Variants in GPR15LG observed in about 807,000 individuals in gnomAD.
GPR15LG encodes protein GPR15LG.
chr10:84,181,335 C>T, the GPR15LG span, among the ~76,000 whole-genome samples: 1 of 152,038 alleles, frequency 6.6e-6, no homozygotes, highest in Non-Finnish European at 1.5e-5. Flanking sequence ...CCTCAGCCTC[C>T]CAAAGTGCTG....
chr10:84,177,608 G>A, the GPR15LG span, among the ~76,000 whole-genome samples: 1 of 152,200 alleles, frequency 6.6e-6, no homozygotes, highest in Non-Finnish European at 1.5e-5. Context: ...AAGACAGCAT[G>A]ACTCCAGCCG....
chr10:84,184,556 A>ATT, the GPR15LG span: 1 of 1,027,936 alleles, frequency 9.7e-7, no homozygotes, highest in Non-Finnish European at 1.5e-6. Flanking sequence ...CTTGCTTTGA[A>ATT]ATTTTTTTTT....
chr10:84,181,680 C>T, the GPR15LG span, among the ~76,000 whole-genome samples: 13 of 152,308 alleles, frequency 8.5e-5, no homozygotes, highest in South Asian at 1.9e-3. Context: ...CTTGGCCTCC[C>T]AAAGTGCTAA....
At chr10:84,179,528 T>C in the GPR15LG span, among the ~76,000 whole-genome samples, 1 of 152,314 alleles carries the variant, frequency 6.6e-6, no homozygotes, top group South Asian at 2.1e-4. Context: ...GATTGCTGAG[T>C]GTGCCAGGCT....
the GPR15LG span, among the ~76,000 whole-genome samples, chr10:84,184,015 C>A: frequency 6.6e-6 from 1 of 150,806 alleles, no homozygotes; most frequent in Non-Finnish European, 1.5e-5. Context: ...ACTTTTTTTT[C>A]TGCAATTAAA....
the GPR15LG span, among the ~76,000 whole-genome samples, chr10:84,174,085 C>G: frequency 6.6e-6 from 1 of 152,210 alleles, no homozygotes; most frequent in South Asian, 2.1e-4. Context: ...GTTTGGGGCT[C>G]AGGACTGCCT....
At chr10:84,181,718 T>C in the GPR15LG span, among the ~76,000 whole-genome samples, 2 of 152,248 alleles carry the variant, frequency 1.3e-5, no homozygotes, top group African/African-American at 4.8e-5. Flanking sequence ...CGTGAGCCAC[T>C]GCATCTGGCC....
At chr10:84,174,048 G>A in the GPR15LG span, 1 of 738,726 alleles carries the variant, frequency 1.4e-6, no homozygotes. Context: ...GCCCCGGAAA[G>A]ATGGGCTCTT....
chr10:84,179,681 T>C, the GPR15LG span, among the ~76,000 whole-genome samples: 1 of 152,198 alleles, frequency 6.6e-6, no homozygotes, highest in Admixed American at 6.5e-5. Flanking sequence ...ACTTGCTGAA[T>C]ACTGACTACT....
At chr10:84,178,923 G>A in the GPR15LG span, among the ~76,000 whole-genome samples, 2 of 152,176 alleles carry the variant, frequency 1.3e-5, no homozygotes, top group Non-Finnish European at 2.9e-5. Flanking sequence ...ACCGTGGGGA[G>A]GTCTCGTCAC....
At chr10:84,180,970 C>T in the GPR15LG span, among the ~76,000 whole-genome samples, 2 of 152,240 alleles carry the variant, frequency 1.3e-5, no homozygotes, top group African/African-American at 4.8e-5. Flanking sequence ...CCTGCAATCC[C>T]AGGCACTTGG....
chr10:84,181,448 C>T, the GPR15LG span, among the ~76,000 whole-genome samples: 4 of 152,042 alleles, frequency 2.6e-5, no homozygotes, highest in Non-Finnish European at 5.9e-5. Flanking sequence ...TTTTAAGAAA[C>T]AGGATCTTGC....
At chr10:84,183,414 T>A in the GPR15LG span, among the ~76,000 whole-genome samples, 3 of 152,236 alleles carry the variant, frequency 2.0e-5, no homozygotes, top group African/African-American at 7.2e-5. Flanking sequence ...AAGAATAATC[T>A]CATGACCATA....
chr10:84,179,075 G>A, the GPR15LG span, among the ~76,000 whole-genome samples: 1 of 152,310 alleles, frequency 6.6e-6, no homozygotes, highest in African/African-American at 2.4e-5. Flanking sequence ...GAAGACATGC[G>A]CGTGCAAGCC....
chr10:84,184,821 T>G, the GPR15LG span: 1 of 1,607,670 alleles, frequency 6.2e-7, no homozygotes, highest in Non-Finnish European at 8.5e-7. Flanking sequence ...GCACCTGAGG[T>G]ACCCAGCAGC....
At chr10:84,176,462 CT>C in the GPR15LG span, 1 of 1,593,460 alleles carries the variant, frequency 6.3e-7, no homozygotes, top group Non-Finnish European at 8.6e-7. Context: ...GTCTCTCTTC[CT>C]TTGTGTCCAC....
chr10:84,177,496 A>G, the GPR15LG span, among the ~76,000 whole-genome samples: 22 of 152,330 alleles, frequency 1.4e-4, no homozygotes, highest in Non-Finnish European at 1.6e-4. Context: ...CTCTGCGGCC[A>G]TGGCCCATGG....
chr10:84,183,537 C>T, the GPR15LG span, among the ~76,000 whole-genome samples: 24 of 152,140 alleles, frequency 1.6e-4, no homozygotes, highest in East Asian at 5.8e-4. Flanking sequence ...AAACTTAAGT[C>T]GGAATCATTT....
the GPR15LG span, among the ~76,000 whole-genome samples, chr10:84,175,827 G>A: frequency 6.6e-6 from 1 of 152,134 alleles, no homozygotes; most frequent in East Asian, 1.9e-4. Context: ...TTTTAATTAT[G>A]TGGTAAAAGG....
Sources: allele counts gnomAD v4.1 joint callset (sites outside exome capture counted in the v4.1 genomes callset), GRCh38; gene constraint gnomAD v4.1.1; transcripts MANE v1.5; gene names NCBI Gene and HGNC (gene_info 2026-07-23, HGNC 2026-07-21).